Variants in EGFLAM observed in about 807,000 individuals in gnomAD.
EGFLAM encodes pikachurin.
In EGFLAM, 79 loss-of-function variants were observed where a neutral mutation model predicts 113.1. The observed-to-expected ratio is 0.70, with a 90% CI of 0.58 to 0.84. EGFLAM has a LOEUF of 0.84. Ranked by LOEUF, EGFLAM falls within the 40% of genes least tolerant of loss-of-function variation. The pLI is 0.00. For missense variants in EGFLAM, 1,265 were observed against 1,291.6 expected (o/e 0.98, Z 0.32); for synonymous variants, 504 against 487.6 (o/e 1.03, Z -0.44).
intron 1 of EGFLAM, among the ~76,000 whole-genome samples, chr5:38,315,491 C>T (rs4869582): frequency 0.39 from 58,755 of 152,076 alleles, 12,824 homozygotes; most frequent in East Asian, 0.66. Flanking sequence ...TTATGTGTGA[C>T]ATGCTGCTGT....
intron 3 of EGFLAM, chr5:38,345,596 G>A (rs1739454827): frequency 6.6e-6 from 1 of 152,200 alleles, no homozygotes; most frequent in South Asian, 2.1e-4. Flanking sequence ...AAATGGTGGA[G>A]GAAGGGCCTA....
intron 6 of EGFLAM, among the ~76,000 whole-genome samples, chr5:38,400,510 C>G (rs1274665673): frequency 6.6e-6 from 1 of 152,152 alleles, no homozygotes; most frequent in South Asian, 2.1e-4. Flanking sequence ...TTATCACTGG[C>G]TTGGACCGTA....
intron 6 of EGFLAM, among the ~76,000 whole-genome samples, chr5:38,383,389 A>G (rs1052598635): frequency 2.6e-5 from 4 of 152,152 alleles, no homozygotes; most frequent in Non-Finnish European, 4.4e-5. Flanking sequence ...GGTGATGAGA[A>G]AGGCTACAAA....
intron 5 of EGFLAM, among the ~76,000 whole-genome samples, chr5:38,360,779 T>C (rs1739898976): frequency 6.6e-6 from 1 of 152,198 alleles, no homozygotes; most frequent in Non-Finnish European, 1.5e-5. Flanking sequence ...TCTGCTTTCC[T>C]ACATAGCCTG....
At chr5:38,304,498 C>T (rs1171270978) in intron 1 of EGFLAM, among the ~76,000 whole-genome samples, 3 of 152,168 alleles carry the variant, frequency 2.0e-5, no homozygotes, top group Admixed American at 6.5e-5. Flanking sequence ...CTCAGTTCCC[C>T]TATTTAGGTC....
chr5:38,337,650 G>C (rs115153941), intron 2 of EGFLAM, 21 bp downstream of exon 2: 2 of 1,565,380 alleles, frequency 1.3e-6, no homozygotes, highest in Non-Finnish European at 1.7e-6. Context: ...GGGCATGGGA[G>C]TTTCCTCGGT....
Position 38,435,105 on chromosome 5 carries a change from C to T in EGFLAM, c.2167-32C>T, listed in dbSNP as rs980168800. 6.3e-6 allele frequency: 10 copies of T among 1,578,758 alleles called. No homozygotes were observed. The African/African-American group carries it at 6.7e-5, about 11-fold the overall frequency. On this transcript the variant is annotated intron_variant, in intron 15 of 21. Transcript: ENST00000322350. ...TCATTTTGAACATCTGTTTTAAAGT[C>T]ATACAATGCTTTGTTTTTAATCTTT...
Position 38,387,347 on chromosome 5 carries a change from T to G in EGFLAM, c.712+16885T>G, listed in dbSNP as rs1740690382. The stretch of plus-strand genomic sequence containing the variant: ...ATCCACTCCCTGCCAACCCCTTGAT[T>G]TATTGCTCCTGGCTTCATAGCATGA... On this transcript the variant is annotated intron_variant, in intron 6 of 21. Coordinates refer to ENST00000322350, the MANE Select transcript of EGFLAM (RefSeq NM_152403.4). Among the ~76,000 whole-genome samples the G allele has an allele frequency of 2.0e-5, 3 of 152,214 alleles. No individual in the cohort carries two copies. In the South Asian group the frequency reaches 6.2e-4, roughly 32 times the overall value.
chr5:38,425,128 G>A, intron 13 of EGFLAM, 36 bp downstream of exon 13: 1 of 1,604,454 alleles, frequency 6.2e-7, no homozygotes, highest in East Asian at 2.2e-5. Flanking sequence ...GTTTCTATCT[G>A]CATGTTAATT....
At chr5:38,440,366 C>T (rs997219580) in intron 17 of EGFLAM, among the ~76,000 whole-genome samples, 1 of 152,180 alleles carries the variant, frequency 6.6e-6, no homozygotes, top group South Asian at 2.1e-4. Context: ...CCCATAATTT[C>T]CTTTCCATCA....
chr5:38,296,901 T>C (rs1002271951), intron 1 of EGFLAM, among the ~76,000 whole-genome samples: 4 of 152,044 alleles, frequency 2.6e-5, no homozygotes, highest in Admixed American at 2.6e-4. Flanking sequence ...TTCTGTGGTA[T>C]TCCTGTGCAA....
intron 6 of EGFLAM, among the ~76,000 whole-genome samples, chr5:38,381,853 C>T (rs1012894188): frequency 6.6e-6 from 1 of 152,120 alleles, no homozygotes; most frequent in African/African-American, 2.4e-5. Context: ...AAAAGGTAAT[C>T]GCCAAACTGG....
chr5:38,431,551 C>T (rs967050658), intron 15 of EGFLAM, among the ~76,000 whole-genome samples: 1 of 152,176 alleles, frequency 6.6e-6, no homozygotes, highest in East Asian at 1.9e-4. Flanking sequence ...ACAAAATTGC[C>T]TTTCACCTCT....
At chr5:38,458,703 G>A (rs1451263275) in intron 20 of EGFLAM, among the ~76,000 whole-genome samples, 1 of 152,258 alleles carries the variant, frequency 6.6e-6, no homozygotes, top group Non-Finnish European at 1.5e-5. Context: ...TGTTTGGGCC[G>A]GGCATGGTGG....
chr5:38,441,380 C>T (rs1409317339), intron 17 of EGFLAM, among the ~76,000 whole-genome samples: 1 of 152,138 alleles, frequency 6.6e-6, no homozygotes, highest in African/African-American at 2.4e-5. Flanking sequence ...AATACCTAGG[C>T]CCCCTTTTTT....
chr5:38,312,780 T>A (rs1355931441), intron 1 of EGFLAM, among the ~76,000 whole-genome samples: 1 of 152,184 alleles, frequency 6.6e-6, no homozygotes, highest in Admixed American at 6.5e-5. Context: ...TAATGCACGA[T>A]CTTTAGAGAA....
Position 38,376,114 on chromosome 5 carries a change from T to C in EGFLAM, c.712+5652T>C, listed in dbSNP as rs770702101. On this transcript the variant is annotated intron_variant, in intron 6 of 21. Coordinates refer to ENST00000322350, the MANE Select transcript of EGFLAM (RefSeq NM_152403.4). ...GCAGCATTATAGTTTCCTTTTGACC[T>C]GGTAAATCAGGCAGTTGGAGTGCAG... Among the ~76,000 whole-genome samples, 101 of 152,242 alleles carry C rather than the reference T, an allele frequency of 6.6e-4. 1 individual carries two copies. The highest frequency in any genetic ancestry group is 1.6e-3 in the Admixed American group (25 of 15,290).
At chr5:38,295,070 AC>A (rs1337369005) in intron 1 of EGFLAM, among the ~76,000 whole-genome samples, 2 of 152,084 alleles carry the variant, frequency 1.3e-5, no homozygotes, top group African/African-American at 4.8e-5. Context: ...CAGGTGATCT[AC>A]CCACCTTGGC....
In EGFLAM at chr5:38,407,913, G is replaced by T. The variant is rs765888269; in HGVS notation, c.1248+8G>T. The T allele has an allele frequency of 1.3e-6, 2 of 1,595,294 alleles. No individual in the cohort carries two copies. The highest frequency in any genetic ancestry group is 8.6e-7 in the Non-Finnish European group (1 of 1,163,268). On this transcript the variant is annotated splice_region_variant and intron_variant, in intron 9 of 21. Coordinates refer to ENST00000322350, the MANE Select transcript of EGFLAM (RefSeq NM_152403.4). Reference sequence around the variant, plus strand: ...ATTACTCTTGAATTTAGGGTAAGAGGGATGTGTTGTTTGATGAGTGCTTTT... The same window carrying T: ...ATTACTCTTGAATTTAGGGTAAGAGTGATGTGTTGTTTGATGAGTGCTTTT...
Sources: gnomAD v4.1 joint callset for allele counts (sites outside exome capture counted in the v4.1 genomes callset) on GRCh38, gnomAD v4.1.1 for gene constraint, MANE v1.5 for transcripts, NCBI Gene and HGNC (gene_info 2026-07-23, HGNC 2026-07-21) for gene names.